AKR1C8: variants seen among roughly 807,000 people sequenced by gnomAD.
AKR1C8 encodes aldo-keto reductase family 1 member C-like protein 1.
chr10:5,162,701 T>C, the AKR1C8 span: 2 of 354,410 alleles, frequency 5.6e-6, no homozygotes, highest in African/African-American at 2.1e-5. Context: ...CAGTAAAATA[T>C]TTCAGAGTAA....
the AKR1C8 span, among the ~76,000 whole-genome samples, chr10:5,167,103 AG>A: frequency 6.6e-6 from 1 of 151,912 alleles, no homozygotes. Flanking sequence ...CACACCAGTT[AG>A]AATGGTGATC....
chr10:5,184,237 A>T, the AKR1C8 span, among the ~76,000 whole-genome samples: 3 of 152,178 alleles, frequency 2.0e-5, no homozygotes, highest in African/African-American at 7.2e-5. Flanking sequence ...CCTCATAGTT[A>T]ACAATCCATC....
chr10:5,179,766 C>T, the AKR1C8 span, among the ~76,000 whole-genome samples: 1 of 152,174 alleles, frequency 6.6e-6, no homozygotes, highest in African/African-American at 2.4e-5. Flanking sequence ...TTGATTGCAT[C>T]AGCTCCTGAG....
At chr10:5,168,850 T>G in the AKR1C8 span, among the ~76,000 whole-genome samples, 1 of 152,088 alleles carries the variant, frequency 6.6e-6, no homozygotes, top group Non-Finnish European at 1.5e-5. Flanking sequence ...AGAAAGCACT[T>G]TCTGATGTAC....
chr10:5,148,541 G>A, the AKR1C8 span, among the ~76,000 whole-genome samples: 1 of 152,048 alleles, frequency 6.6e-6, no homozygotes, highest in Non-Finnish European at 1.5e-5. Context: ...AATATTTGAG[G>A]ATAAAAAAAT....
chr10:5,163,630 T>C, the AKR1C8 span, among the ~76,000 whole-genome samples: 4 of 152,088 alleles, frequency 2.6e-5, no homozygotes, highest in African/African-American at 7.2e-5. Context: ...GATAAAAAAG[T>C]TAGTAAGTTA....
At chr10:5,165,997 G>T in the AKR1C8 span, among the ~76,000 whole-genome samples, 1 of 152,022 alleles carries the variant, frequency 6.6e-6, no homozygotes, top group Non-Finnish European at 1.5e-5. Context: ...GGACCCAGAG[G>T]ATGAGAGAAA....
the AKR1C8 span, among the ~76,000 whole-genome samples, chr10:5,182,853 T>G: frequency 7.3e-5 from 11 of 151,400 alleles, no homozygotes; most frequent in Non-Finnish European, 1.5e-4. Flanking sequence ...GAGGTTGTAG[T>G]GAGCCGAGAT....
the AKR1C8 span, among the ~76,000 whole-genome samples, chr10:5,133,935 A>T: frequency 6.6e-6 from 1 of 152,206 alleles, no homozygotes; most frequent in Non-Finnish European, 1.5e-5. Context: ...TTAGTAAAGT[A>T]TATTTTAGTC....
At chr10:5,179,643 C>T in the AKR1C8 span, among the ~76,000 whole-genome samples, 355 of 117,296 alleles carry the variant, frequency 3.0e-3, 4 homozygotes, top group African/African-American at 0.012. Flanking sequence ...GGTCTTTTCA[C>T]ATAGTCCCAT....
chr10:5,182,576 T>C, the AKR1C8 span, among the ~76,000 whole-genome samples: 2 of 152,160 alleles, frequency 1.3e-5, no homozygotes, highest in East Asian at 1.9e-4. Context: ...ACTTATGGAA[T>C]AGAATTCCAT....
the AKR1C8 span, chr10:5,185,093 A>C: frequency 3.7e-6 from 2 of 534,758 alleles, no homozygotes; most frequent in East Asian, 1.1e-4. Context: ...TTTGCTTCAG[A>C]TCCGTCATCA....
At chr10:5,159,105 C>T in the AKR1C8 span, among the ~76,000 whole-genome samples, 1 of 152,110 alleles carries the variant, frequency 6.6e-6, no homozygotes, top group Non-Finnish European at 1.5e-5. Flanking sequence ...ATGACGCATG[C>T]TGCCAAAGGA....
the AKR1C8 span, among the ~76,000 whole-genome samples, chr10:5,129,743 A>C: frequency 1.3e-5 from 2 of 152,066 alleles, no homozygotes; most frequent in Non-Finnish European, 2.9e-5. Flanking sequence ...ACCAGAACAG[A>C]CCAATAACAA....
At chr10:5,124,430 T>A in the AKR1C8 span, among the ~76,000 whole-genome samples, 1 of 152,016 alleles carries the variant, frequency 6.6e-6, no homozygotes, top group Non-Finnish European at 1.5e-5. Flanking sequence ...CTTTTAGCAC[T>A]TCTGAGAGGA....
the AKR1C8 span, among the ~76,000 whole-genome samples, chr10:5,148,198 G>C: frequency 6.6e-6 from 1 of 152,210 alleles, no homozygotes; most frequent in Admixed American, 6.5e-5. Context: ...CCAGGAGAAT[G>C]CTCAGTAGTA....
chr10:5,163,467 C>T, the AKR1C8 span, among the ~76,000 whole-genome samples: 1 of 152,168 alleles, frequency 6.6e-6, no homozygotes, highest in Non-Finnish European at 1.5e-5. Flanking sequence ...AAAGCTCACC[C>T]TACCTCCCTG....
chr10:5,164,315 GCC>G, the AKR1C8 span, among the ~76,000 whole-genome samples: 1 of 151,610 alleles, frequency 6.6e-6, no homozygotes, highest in Admixed American at 6.6e-5. Flanking sequence ...AACCATTCAG[GCC>G]CCCTCTCTAC....
the AKR1C8 span, among the ~76,000 whole-genome samples, chr10:5,118,421 G>A: frequency 0.39 from 59,339 of 151,534 alleles, 12,415 homozygotes; most frequent in Non-Finnish European, 0.43. Context: ...CTGTGAAATG[G>A]GAGTCTTATG....
Sources: allele counts gnomAD v4.1 joint callset (sites outside exome capture counted in the v4.1 genomes callset), GRCh38; gene constraint gnomAD v4.1.1; transcripts MANE v1.5; gene names NCBI Gene and HGNC (gene_info 2026-07-23, HGNC 2026-07-21).